Variants in NRG3 observed in about 807,000 individuals in gnomAD.
NRG3 encodes neuregulin 3.
A neutral mutation model predicts 66.9 loss-of-function variants in NRG3; 31 were observed. The observed-to-expected ratio is 0.46, with a 90% confidence interval of 0.35 to 0.63. The LOEUF (loss-of-function observed/expected upper bound fraction) is 0.63. NRG3 is among the 20% of genes least tolerant of loss of function. NRG3 has a pLI of 0.00. For synonymous variants in NRG3, 393 were observed against 359.4 expected, an observed-to-expected ratio of 1.09 and a Z score of -1.06; for missense variants, 910 against 878.9, an observed-to-expected ratio of 1.04 and a Z score of -0.45.
chr10:82,570,401 T>C (rs1279083912), intron 2 of NRG3, among the ~76,000 whole-genome samples: 1 of 151,658 alleles, frequency 6.6e-6, no homozygotes, highest in East Asian at 1.9e-4. Context: ...CAATTAAATA[T>C]ATATTTTTCT....
chr10:82,075,982 A>G (rs1486650037), intron 1 of NRG3, among the ~76,000 whole-genome samples: 1 of 151,984 alleles, frequency 6.6e-6, no homozygotes, highest in Admixed American at 6.6e-5. Flanking sequence ...TTTAAAGAAG[A>G]CTAGGAAATG....
intron 3 of NRG3, among the ~76,000 whole-genome samples, chr10:82,852,301 G>C (rs1307170721): frequency 2.6e-5 from 4 of 152,140 alleles, no homozygotes; most frequent in African/African-American, 4.8e-5. Flanking sequence ...AGGGGCGTAG[G>C]GGGAAAGGAG....
At chr10:82,692,396 C>G (rs1198116113) in intron 2 of NRG3, among the ~76,000 whole-genome samples, 2 of 152,114 alleles carry the variant, frequency 1.3e-5, no homozygotes, top group Non-Finnish European at 2.9e-5. Flanking sequence ...AGCACTTTTT[C>G]AATGATATTG....
Position 82,755,849 on chromosome 10 carries a change from T to A in NRG3, c.1027+17199T>A, listed in dbSNP as rs561988212. On this transcript the variant is annotated intron_variant, in intron 3 of 8. Coordinates refer to ENST00000372141, the MANE Select transcript of NRG3 (RefSeq NM_001010848.4). ...TTCACATTTTTCTAATCTTCCTGTT[T>A]AATGTCGCAATCAAACAAGAAAAGA... Among the ~76,000 whole-genome samples, 4 of 152,280 alleles carry A rather than the reference T, an allele frequency of 2.6e-5. No homozygotes were observed. In the South Asian group the frequency reaches 8.3e-4, roughly 32 times the overall value.
intron 1 of NRG3, among the ~76,000 whole-genome samples, chr10:82,000,493 G>T (rs1198406258): frequency 6.6e-6 from 1 of 152,112 alleles, no homozygotes; most frequent in Non-Finnish European, 1.5e-5. Context: ...TCCAAGACTG[G>T]AAGCAGGGTC....
At chr10:82,943,838 G>T (rs540122749) in intron 4 of NRG3, among the ~76,000 whole-genome samples, 12 of 152,226 alleles carry the variant, frequency 7.9e-5, no homozygotes, top group Admixed American at 7.8e-4. Context: ...AATATAGAAA[G>T]ATGAAAAACC....
At chr10:82,446,499 G>C (rs1305650042) in intron 2 of NRG3, among the ~76,000 whole-genome samples, 1 of 152,186 alleles carries the variant, frequency 6.6e-6, no homozygotes, top group East Asian at 1.9e-4. Context: ...GAGGGATAGA[G>C]CTGGAAGCCA....
intron 3 of NRG3, among the ~76,000 whole-genome samples, chr10:82,751,213 T>C (rs1203613382): frequency 2.6e-5 from 4 of 152,244 alleles, no homozygotes; most frequent in African/African-American, 9.6e-5. Flanking sequence ...CTGTCTCCAT[T>C]TTCTTGGGAA....
At chr10:82,548,058 T>TAA (rs1554959772) in intron 2 of NRG3, among the ~76,000 whole-genome samples, 1 of 148,594 alleles carries the variant, frequency 6.7e-6, no homozygotes, top group South Asian at 2.1e-4. Flanking sequence ...TTTTTTTTTT[T>TAA]AAATCATGGA....
At chr10:81,963,538 C>T (rs2059611088) in intron 1 of NRG3, among the ~76,000 whole-genome samples, 2 of 152,260 alleles carry the variant, frequency 1.3e-5, no homozygotes, top group South Asian at 4.1e-4. Flanking sequence ...AACATACATA[C>T]ATGTATTTTA....
At chr10:82,938,088 G>A (rs147235117) in intron 4 of NRG3, among the ~76,000 whole-genome samples, 8 of 152,110 alleles carry the variant, frequency 5.3e-5, no homozygotes, top group African/African-American at 1.2e-4. Context: ...TAATTAAAGC[G>A]AATTTCTCCC....
intron 1 of NRG3, among the ~76,000 whole-genome samples, chr10:82,157,557 A>T (rs2071281431): frequency 6.6e-6 from 1 of 151,682 alleles, no homozygotes; most frequent in East Asian, 1.9e-4. Flanking sequence ...TCCTGAAATC[A>T]TTTAAAATAT....
At position 82,124,103 on chromosome 10, in the gene NRG3, T is replaced by A. The variant is rs561101789; in HGVS notation, c.824-234636T>A. 6.0e-4 allele frequency among the ~76,000 whole-genome samples: 91 copies of A among 152,216 alleles called. 1 individual carries two copies. The highest frequency in any genetic ancestry group is 1.1e-3 in the Non-Finnish European group (72 of 68,002). Reference sequence around the variant, plus strand: ...ACAGTGATCTGCTTTAGATGATAGGTAACTTGTTTTATCTTTGAGATTATA... The same window carrying A: ...ACAGTGATCTGCTTTAGATGATAGGAAACTTGTTTTATCTTTGAGATTATA... On this transcript the variant is annotated intron_variant, in intron 1 of 8. Transcript: ENST00000372141.
chr10:81,967,543 T>C (rs1304032169), intron 1 of NRG3, among the ~76,000 whole-genome samples: 1 of 152,172 alleles, frequency 6.6e-6, no homozygotes, highest in Non-Finnish European at 1.5e-5. Flanking sequence ...AATTATTAAT[T>C]GCATTAAATA....
chr10:82,394,780 T>C (rs2086612032), intron 2 of NRG3, among the ~76,000 whole-genome samples: 1 of 152,218 alleles, frequency 6.6e-6, no homozygotes, highest in South Asian at 2.1e-4. Context: ...CTCTCCACAG[T>C]AGCCTTCATA....
At chr10:82,107,790 G>C (rs1239807594) in intron 1 of NRG3, among the ~76,000 whole-genome samples, 1 of 152,108 alleles carries the variant, frequency 6.6e-6, no homozygotes, top group Non-Finnish European at 1.5e-5. Context: ...GAAAATAGAG[G>C]AGGGAGTCAA....
intron 2 of NRG3, among the ~76,000 whole-genome samples, chr10:82,394,400 G>A (rs1418339861): frequency 6.6e-6 from 1 of 152,184 alleles, no homozygotes; most frequent in Non-Finnish European, 1.5e-5. Context: ...AGACACAGGA[G>A]GAACAAATCA....
intron 2 of NRG3, among the ~76,000 whole-genome samples, chr10:82,407,661 T>C (rs192331217): frequency 6.6e-6 from 1 of 152,148 alleles, no homozygotes; most frequent in South Asian, 2.1e-4. Context: ...TTATTTTGCT[T>C]TTATGACTAC....
chr10:82,349,645 C>T (rs970731991), intron 1 of NRG3, among the ~76,000 whole-genome samples: 38 of 151,946 alleles, frequency 2.5e-4, no homozygotes, highest in East Asian at 9.8e-4. Context: ...TGGGCAATGG[C>T]GGGCGCCCCT....
Sources: allele counts gnomAD v4.1 joint callset (sites outside exome capture counted in the v4.1 genomes callset), GRCh38; gene constraint gnomAD v4.1.1; transcripts MANE v1.5; gene names NCBI Gene and HGNC (gene_info 2026-07-23, HGNC 2026-07-21).